RIMS4: variants seen among roughly 807,000 people sequenced by gnomAD.
RIMS4 encodes regulating synaptic membrane exocytosis 4.
A neutral mutation model predicts 29.0 loss-of-function variants in RIMS4; 9 were observed. The observed-to-expected ratio is 0.31, with a 90% CI of 0.19 to 0.54. The LOEUF (loss-of-function observed/expected upper bound fraction) is 0.54, where lower values mean the gene tolerates loss of function less well. Ranked by LOEUF, RIMS4 falls within the 20% of genes least tolerant of loss-of-function variation. The pLI, the probability that RIMS4 is intolerant of heterozygous loss-of-function variation, is 0.94. For missense variants in RIMS4, 193 were observed against 365.7 expected, an observed-to-expected ratio of 0.53 and a Z score of 3.85; for synonymous variants, 130 against 152.9, an observed-to-expected ratio of 0.85 and a Z score of 1.10.
At chr20:44,803,823 C>T (rs1389654893) in intron 1 of RIMS4, among the ~76,000 whole-genome samples, 1 of 152,228 alleles carries the variant, frequency 6.6e-6, no homozygotes, top group Non-Finnish European at 1.5e-5. Flanking sequence ...TCAAGGAGGC[C>T]AGGCAGCCAC....
At chr20:44,780,744 T>C (rs531051683) in intron 1 of RIMS4, among the ~76,000 whole-genome samples, 1 of 151,954 alleles carries the variant, frequency 6.6e-6, no homozygotes, top group East Asian at 1.9e-4. Flanking sequence ...GTGCAATTTT[T>C]GCCCTTTACG....
intron 3 of RIMS4, 46 bp downstream of exon 3, chr20:44,758,026 C>T: frequency 7.2e-7 from 1 of 1,381,108 alleles, no homozygotes; most frequent in African/African-American, 1.4e-5. Flanking sequence ...TCTGGTGTGA[C>T]ACCCAACTCC....
chr20:44,806,100 C>G (rs2066297529), intron 1 of RIMS4, among the ~76,000 whole-genome samples: 1 of 152,162 alleles, frequency 6.6e-6, no homozygotes, highest in African/African-American at 2.4e-5. Flanking sequence ...GGACTGGTAG[C>G]TGGCTGGTGT....
At position 44,798,648 on chromosome 20, in the gene RIMS4, A is replaced by G. The variant is rs539410562; in HGVS notation, c.97+11527T>C. Reference sequence around the variant, plus strand: ...GCCCCATCTTTGGACAACTGCCCTTAGCTCATAGGAGCTGCCTTGCCCCAA... The same window carrying G: ...GCCCCATCTTTGGACAACTGCCCTTGGCTCATAGGAGCTGCCTTGCCCCAA... On this transcript the variant is annotated intron_variant, in intron 1 of 5. Transcript: ENST00000372851. Among the ~76,000 whole-genome samples, 5 of 152,292 alleles carry G rather than the reference A, an allele frequency of 3.3e-5. No homozygotes were observed. In the South Asian group the frequency reaches 8.3e-4, roughly 25 times the overall value.
At chr20:44,770,175 G>A (rs979411985) in intron 2 of RIMS4, among the ~76,000 whole-genome samples, 2 of 152,078 alleles carry the variant, frequency 1.3e-5, no homozygotes, top group African/African-American at 2.4e-5. Context: ...GACTTTAGAC[G>A]ATAGCTAGGA....
At chr20:44,781,787 G>A (rs1306521207) in intron 1 of RIMS4, among the ~76,000 whole-genome samples, 1 of 152,162 alleles carries the variant, frequency 6.6e-6, no homozygotes, top group African/African-American at 2.4e-5. Flanking sequence ...CAGCATTTGG[G>A]ACAAGCTAAA....
chr20:44,789,250 T>G (rs1489491976), intron 1 of RIMS4, among the ~76,000 whole-genome samples: 6 of 152,256 alleles, frequency 3.9e-5, no homozygotes, highest in Non-Finnish European at 8.8e-5. Context: ...AACAAAGGTC[T>G]GTACAAATGT....
intron 1 of RIMS4, among the ~76,000 whole-genome samples, chr20:44,799,905 A>T (rs142824729): frequency 7.9e-5 from 12 of 152,334 alleles, no homozygotes; most frequent in African/African-American, 2.9e-4. Flanking sequence ...TAACACTCTT[A>T]AGACACTTTC....
intron 1 of RIMS4, among the ~76,000 whole-genome samples, chr20:44,781,747 A>G (rs971633104): frequency 1.3e-5 from 2 of 152,220 alleles, no homozygotes; most frequent in Non-Finnish European, 2.9e-5. Context: ...TCCCACAAAA[A>G]GCTGTTTTTC....
chr20:44,797,277 G>C (rs1195217249), intron 1 of RIMS4, among the ~76,000 whole-genome samples: 1 of 152,134 alleles, frequency 6.6e-6, no homozygotes, highest in African/African-American at 2.4e-5. Context: ...TTTACATATT[G>C]TCTGGGGCTG....
chr20:44,780,068 T>C (rs1337909804), intron 1 of RIMS4, among the ~76,000 whole-genome samples: 1 of 152,180 alleles, frequency 6.6e-6, no homozygotes, highest in Admixed American at 6.5e-5. Flanking sequence ...GTAATACAGT[T>C]GACATTCAAT....
intron 4 of RIMS4, 52 bp from the exon 5 acceptor site, chr20:44,757,089 G>C (rs1260322614): frequency 6.3e-7 from 1 of 1,590,110 alleles, no homozygotes; most frequent in Non-Finnish European, 8.6e-7. Flanking sequence ...TCAAATGGTG[G>C]GCAAAGGGTG....
intron 1 of RIMS4, among the ~76,000 whole-genome samples, chr20:44,791,595 T>G (rs2066232958): frequency 6.6e-6 from 1 of 152,138 alleles, no homozygotes; most frequent in Non-Finnish European, 1.5e-5. Flanking sequence ...TTTTAAAAAT[T>G]AAAACCACAA....
intron 1 of RIMS4, among the ~76,000 whole-genome samples, chr20:44,778,910 C>G (rs1459525775): frequency 6.6e-6 from 1 of 152,174 alleles, no homozygotes; most frequent in Admixed American, 6.5e-5. Context: ...TCCACACCAC[C>G]AGAGTGTCCT....
At chr20:44,768,212 G>A (rs1255490417) in intron 2 of RIMS4, among the ~76,000 whole-genome samples, 2 of 152,190 alleles carry the variant, frequency 1.3e-5, no homozygotes, top group Non-Finnish European at 2.9e-5. Flanking sequence ...GCCCAAGAGT[G>A]GAAGCTCATG....
chr20:44,760,707 C>G (rs938384160), intron 2 of RIMS4, among the ~76,000 whole-genome samples: 1 of 152,032 alleles, frequency 6.6e-6, no homozygotes. Context: ...TTCATTCAAC[C>G]AACAAATGTT....
intron 2 of RIMS4, among the ~76,000 whole-genome samples, chr20:44,764,156 AT>A (rs2066100959): frequency 7.0e-6 from 1 of 142,132 alleles, no homozygotes; most frequent in African/African-American, 2.8e-5. Flanking sequence ...CCATTTATCC[AT>A]CCATCCATCC....
At chr20:44,764,201 TCCATCCATCCAC>T (rs1418699066) in intron 2 of RIMS4, among the ~76,000 whole-genome samples, 2 of 5,702 alleles carry the variant, frequency 3.5e-4, no homozygotes, top group African/African-American at 4.8e-4. Context: ...TATCCATCCA[TCCATCCATCCAC>T]CCATCCATCC....
At chr20:44,802,004 CAATGAA>C (rs1410018424) in intron 1 of RIMS4, among the ~76,000 whole-genome samples, 1 of 152,156 alleles carries the variant, frequency 6.6e-6, no homozygotes, top group Non-Finnish European at 1.5e-5. Flanking sequence ...AACTTGTTAG[CAATGAA>C]ATCCTCAAGT....
Sources: allele counts gnomAD v4.1 joint callset (sites outside exome capture counted in the v4.1 genomes callset), GRCh38; gene constraint gnomAD v4.1.1; transcripts MANE v1.5; gene names NCBI Gene and HGNC (gene_info 2026-07-23, HGNC 2026-07-21).